The following PCDHGA1 variants were observed in gnomAD, a reference collection of about 807,000 sequenced individuals.
PCDHGA1 encodes the protein protocadherin gamma-A1.
PCDHGA1 carries 32 observed loss-of-function variants against 58.0 expected under a neutral mutation model. The observed-to-expected ratio is 0.55, with a 90% CI of 0.42 to 0.74. PCDHGA1 has a LOEUF of 0.74. Among genes scored for constraint, PCDHGA1 ranks in the 30% least tolerant of loss-of-function variants. The pLI is 0.00. For synonymous variants in PCDHGA1, 498 were observed against 501.1 expected (o/e 0.99, Z 0.08); for missense variants, 1,205 against 1,182.3 (o/e 1.02, Z -0.28).
chr5:141,408,048 G>C, intron 1 of PCDHGA1: 1 of 1,245,698 alleles, frequency 8.0e-7, no homozygotes, highest in Non-Finnish European at 1.1e-6. Context: ...CTCCCACACA[G>C]AGCCTCCCGG....
chr5:141,421,535 G>A, intron 1 of PCDHGA1: 7 of 1,614,032 alleles, frequency 4.3e-6, no homozygotes, highest in East Asian at 2.2e-5. Flanking sequence ...GTGTCCTCCT[G>A]TTTTTTAAAT....
chr5:141,423,749 T>TG, intron 1 of PCDHGA1: 2 of 272,262 alleles, frequency 7.3e-6, no homozygotes, highest in Non-Finnish European at 4.7e-6. Flanking sequence ...TGAAAACTGT[T>TG]TGGGGGGGGG....
chr5:141,479,562 T>G (rs1176956064), intron 1 of PCDHGA1: 2 of 152,218 alleles, frequency 1.3e-5, no homozygotes, highest in Non-Finnish European at 2.9e-5. Flanking sequence ...TATCCAGTAG[T>G]GGGATGACAT....
At chr5:141,335,582 G>A (rs778420240) in intron 1 of PCDHGA1, among the ~76,000 whole-genome samples, 4 of 152,134 alleles carry the variant, frequency 2.6e-5, no homozygotes, top group African/African-American at 4.8e-5. Context: ...AAGAAAGTTA[G>A]TTAACATAAA....
intron 1 of PCDHGA1, among the ~76,000 whole-genome samples, chr5:141,475,442 T>A (rs1007534176): frequency 1.3e-5 from 2 of 152,238 alleles, no homozygotes; most frequent in African/African-American, 4.8e-5. Context: ...TAGCTCCAGA[T>A]AATGAGGAAG....
rs758907839 is a variant in PCDHGA1 at position 141,351,826 on chromosome 5, C to T, written c.2421+18721C>T. ...GCGCCTTCGACCACGAGCAGCTGCG[C>T]GCCTTCGAGCTCACACTGCAGGCCA... is the stretch of plus-strand genomic sequence containing the variant. On this transcript the variant is annotated intron_variant, in intron 1 of 3. Transcript: ENST00000517417. The T allele has an allele frequency of 6.8e-5, 109 of 1,613,084 alleles. No individual in the cohort carries two copies. In the South Asian group the frequency reaches 7.4e-4, roughly 11 times the overall value.
chr5:141,480,239 A>C (rs1320132415), intron 1 of PCDHGA1, among the ~76,000 whole-genome samples: 4 of 136,218 alleles, frequency 2.9e-5, no homozygotes, highest in African/African-American at 1.1e-4. Context: ...TCCTGTCTCT[A>C]CAAAAAAAAA....
intron 1 of PCDHGA1, chr5:141,355,623 A>G: frequency 1.2e-6 from 2 of 1,613,994 alleles, no homozygotes; most frequent in Non-Finnish European, 1.7e-6. Context: ...GGGAAATAAA[A>G]GTTGCTGAAA....
chr5:141,396,179 C>G (rs948602586), intron 1 of PCDHGA1: 1 of 152,178 alleles, frequency 6.6e-6, no homozygotes, highest in African/African-American at 2.4e-5. Context: ...CTTGGCTGGA[C>G]ACAGTGCCTC....
chr5:141,487,889 T>C lies in PCDHGA1; in HGVS notation c.2422-6918T>C, dbSNP rs984668596. On this transcript the variant is annotated intron_variant, in intron 1 of 3. Transcript: ENST00000517417. The surrounding 1 kb of genome is among the most constrained non-coding windows in gnomAD (Gnocchi z 5.0). ...CAAGAGCCAGGCTGTTGTGGAAGCA[T>C]GATGATGGAATGTGGGAGCACAGGA... 6.7e-6 allele frequency: 5 copies of C among 747,180 alleles called. No homozygotes were observed. The highest frequency in any genetic ancestry group is 1.1e-5 in the Non-Finnish European group (5 of 464,054). The allele number at this position is 747,180 out of a possible 1,614,324, so 46.3% of individuals were successfully genotyped here. A position where few individuals can be genotyped will look rare whatever the true frequency, so the allele number is the denominator to read the frequency against.
Position 141,344,216 on chromosome 5 carries a change from G to A in PCDHGA1, c.2421+11111G>A, listed in dbSNP as rs199728541. 1.1e-3 allele frequency: 1,713 copies of A among 1,614,038 alleles called. 2 individuals carry two copies. The highest frequency in any genetic ancestry group is 1.4e-3 in the Non-Finnish European group (1,641 of 1,179,912). On this transcript the variant is annotated intron_variant, in intron 1 of 3. Transcript: ENST00000517417. Reference sequence around the variant, plus strand: ...GGCTAGAGCCCCGGGAGCTGGCGGAGCGCGGAGTCCGCATCGTCTCCAGAG... The same window carrying A: ...GGCTAGAGCCCCGGGAGCTGGCGGAACGCGGAGTCCGCATCGTCTCCAGAG...
Position 141,511,212 on chromosome 5 carries a change from C to T in PCDHGA1, c.*39C>T. ...CCAAGAGCCACAGGGCGGCCTCTCC[C>T]CAACCAGCCCAGCTTCTCCTTACCT... is the stretch of plus-strand genomic sequence containing the variant. On this transcript the variant is annotated 3_prime_UTR_variant, in exon 4 of 4. Coordinates refer to ENST00000517417, the MANE Select transcript of PCDHGA1 (RefSeq NM_018912.3). 6.2e-7 allele frequency: 1 copy of T among 1,608,656 alleles called. No individual in the cohort carries two copies. Among genetic ancestry groups the T allele is most frequent in the Non-Finnish European group, 8.5e-7 (1 of 1,177,502 alleles).
At chr5:141,503,836 A>G (rs1260399957) in intron 2 of PCDHGA1, among the ~76,000 whole-genome samples, 4 of 152,142 alleles carry the variant, frequency 2.6e-5, no homozygotes, top group Admixed American at 6.5e-5. Flanking sequence ...AAAAGCAGGG[A>G]CAGACCTTGG....
chr5:141,456,942 A>C (rs11737987), intron 1 of PCDHGA1, among the ~76,000 whole-genome samples: 42,405 of 152,066 alleles, frequency 0.28, 6,638 homozygotes, highest in African/African-American at 0.43. Flanking sequence ...CAGCCTGGGC[A>C]ACAGAGCAAA....
At chr5:141,345,277 T>C (rs1757547210) in intron 1 of PCDHGA1, 1 of 1,613,908 alleles carries the variant, frequency 6.2e-7, no homozygotes. Flanking sequence ...CGCGAACAAA[T>C]ATCAGAATAT....
intron 1 of PCDHGA1, chr5:141,366,035 A>G (rs1376798925): frequency 1.2e-6 from 2 of 1,614,210 alleles, no homozygotes; most frequent in Admixed American, 1.7e-5. Flanking sequence ...CGCCCTCCCC[A>G]CAGACGGTTC....
rs761843990 is a variant in PCDHGA1, at chr5:141,356,810, G to A, written c.2421+23705G>A. The stretch of plus-strand genomic sequence containing the variant: ...CAGCTGCTGATGACAGCCAGTGACA[G>A]TGGAGACCCTCCACTCAGCAGCAAT... On this transcript the variant is annotated intron_variant, in intron 1 of 3. Coordinates refer to ENST00000517417, the MANE Select transcript of PCDHGA1 (RefSeq NM_018912.3). 5.0e-6 allele frequency: 8 copies of A among 1,614,074 alleles called. No individual in the cohort carries two copies. The East Asian group carries it at 1.8e-4, about 36-fold the overall frequency.
rs2097400915 is a variant in PCDHGA1, at chr5:141,431,619, A to G, written c.2422-63188A>G. The stretch of plus-strand genomic sequence containing the variant: ...TATTCCTTCCGGTATGTGGACGACA[A>G]GGCGGCCCAAGTTTTCAAACTAGAT... On this transcript the variant is annotated intron_variant, in intron 1 of 3. Coordinates refer to ENST00000517417, the MANE Select transcript of PCDHGA1 (RefSeq NM_018912.3). The surrounding 1 kb of genome is among the most constrained non-coding windows in gnomAD (Gnocchi z 4.8). 3.1e-6 allele frequency: 5 copies of G among 1,614,230 alleles called. No homozygotes were observed. The highest frequency in any genetic ancestry group is 4.5e-5 in the East Asian group (2 of 44,880).
chr5:141,343,311 C>A, intron 1 of PCDHGA1: 2 of 975,244 alleles, frequency 2.1e-6, no homozygotes, highest in Non-Finnish European at 2.4e-6. Context: ...TGGCTGATTT[C>A]TGTGTGTTTC....
Sources: gnomAD v4.1 joint callset for allele counts (sites outside exome capture counted in the v4.1 genomes callset) on GRCh38, gnomAD v4.1.1 for gene constraint, Gnocchi (gnomAD v3.1) non-coding constraint, MANE v1.5 for transcripts, NCBI Gene and HGNC (gene_info 2026-07-23, HGNC 2026-07-21) for gene names.